CACNA2D4: variants seen among roughly 807,000 people sequenced by gnomAD.
CACNA2D4 encodes the protein calcium voltage-gated channel auxiliary subunit alpha2delta 4, also known as voltage-dependent calcium channel subunit alpha-2/delta-4.
Under a neutral mutation model 163.8 loss-of-function variants are expected in CACNA2D4, and 157 were observed. The ratio of observed to expected loss-of-function variants is 0.96; its 90% CI spans 0.84 to 1.09. CACNA2D4 has a LOEUF of 1.09. Among genes scored for constraint, CACNA2D4 ranks in the 50% least tolerant of loss-of-function variants. The probability of loss-of-function intolerance (pLI) is 0.00; values close to 1 mark genes in which losing one functional copy is unlikely to be tolerated. For synonymous variants in CACNA2D4, 598 were observed against 586.9 expected, an observed-to-expected ratio of 1.02 and a Z score of -0.27; for missense variants, 1,410 against 1,479.9, an observed-to-expected ratio of 0.95 and a Z score of 0.78.
chr12:1,889,728 A>G (rs1321674473), intron 6 of CACNA2D4, among the ~76,000 whole-genome samples: 2 of 152,170 alleles, frequency 1.3e-5, no homozygotes, highest in South Asian at 2.1e-4. Context: ...GCTAGAGAGA[A>G]AAAAAGTTAT....
chr12:1,860,828 A>G (rs571780776), intron 18 of CACNA2D4, among the ~76,000 whole-genome samples: 1 of 152,352 alleles, frequency 6.6e-6, no homozygotes, highest in East Asian at 1.9e-4. Context: ...TTTACTTTGT[A>G]TAAACTAGGG....
chr12:1,855,031 AC>A (rs1032331065), intron 22 of CACNA2D4, among the ~76,000 whole-genome samples: 3 of 152,092 alleles, frequency 2.0e-5, no homozygotes, highest in Non-Finnish European at 4.4e-5. Flanking sequence ...CAATAGAGCC[AC>A]CCAAGTGGCT....
chr12:1,907,804 G>C, intron 5 of CACNA2D4, 71 bp downstream of exon 5: 2 of 1,537,452 alleles, frequency 1.3e-6, no homozygotes, highest in Non-Finnish European at 1.8e-6. Context: ...GGTGTGCCTG[G>C]TGGGCGTGTC....
chr12:1,800,137 C>A, intron 32 of CACNA2D4, 85 bp from the exon 33 acceptor site: 1 of 1,330,912 alleles, frequency 7.5e-7, no homozygotes, highest in Non-Finnish European at 1.1e-6. Context: ...CTGACAGCCC[C>A]CGGCCCATCC....
intron 13 of CACNA2D4, among the ~76,000 whole-genome samples, chr12:1,881,569 CG>C (rs911220690): frequency 1.3e-5 from 2 of 152,204 alleles, no homozygotes; most frequent in African/African-American, 4.8e-5. Context: ...GATGAATGCA[CG>C]GGTGATGGAG....
At chr12:1,794,560 C>T (rs554995752) in intron 37 of CACNA2D4, among the ~76,000 whole-genome samples, 9 of 152,314 alleles carry the variant, frequency 5.9e-5, no homozygotes, top group Admixed American at 4.6e-4. Context: ...CTAGGGTTCC[C>T]ATGAGCCTGT....
At chr12:1,804,958 C>T (rs1002350587) in intron 29 of CACNA2D4, among the ~76,000 whole-genome samples, 1 of 152,224 alleles carries the variant, frequency 6.6e-6, no homozygotes, top group African/African-American at 2.4e-5. Context: ...GGCAAATCCC[C>T]GACTCAAATA....
chr12:1,801,723 A>G, intron 29 of CACNA2D4, 79 bp from the exon 30 acceptor site: 3 of 1,006,372 alleles, frequency 3.0e-6, no homozygotes, highest in Non-Finnish European at 4.4e-6. Flanking sequence ...AGCACTATTT[A>G]TTCAGCTCAG....
chr12:1,803,039 A>T (rs970637797), intron 29 of CACNA2D4, among the ~76,000 whole-genome samples: 14 of 152,228 alleles, frequency 9.2e-5, no homozygotes, highest in African/African-American at 1.4e-4. Flanking sequence ...CAGGTTCTTC[A>T]TGGAGAGCTT....
chr12:1,858,712 C>T (rs1433791908), intron 19 of CACNA2D4, 68 bp from the exon 20 acceptor site: 1 of 1,317,790 alleles, frequency 7.6e-7, no homozygotes, highest in Non-Finnish European at 1.1e-6. Flanking sequence ...CGGGCCTCGT[C>T]CTTGCCCTTA....
At chr12:1,839,569 G>A (rs1864965558) in intron 26 of CACNA2D4, among the ~76,000 whole-genome samples, 1 of 152,218 alleles carries the variant, frequency 6.6e-6, no homozygotes, top group Admixed American at 6.5e-5. Flanking sequence ...GTGGGGCTTT[G>A]GGCAAGTAAG....
chr12:1,795,704 A>T lies in CACNA2D4; in HGVS notation c.3190T>A (p.Phe1064Ile), dbSNP rs992496482. Residue 1064 changes from phenylalanine (F) to isoleucine (I), a missense_variant, in exon 36 of 38, where the codon TTC becomes ATC. Transcript: ENST00000382722. ...VTDPTCDCSI[F>I]PPVLQEATEV... ...GTCGCCTCCTGCAGCACTGGTGGGA[A>T]GATGCTGCAGTCACAGGTGGGGTCT... 1 of 1,613,158 alleles carries T rather than the reference A, an allele frequency of 6.2e-7. No homozygotes were observed. Among genetic ancestry groups the T allele is most frequent in the Admixed American group, 1.7e-5 (1 of 60,026 alleles).
Position 1,800,369 on chromosome 12 carries a change from T to TGTCTACCCCCAC in CACNA2D4, c.2921+5_2921+16dup. 1.2e-6 allele frequency: 2 copies of TGTCTACCCCCAC among 1,613,558 alleles called. No individual in the cohort carries two copies. The highest frequency in any genetic ancestry group is 1.7e-6 in the Non-Finnish European group (2 of 1,179,564). ...CGCATGCAGCCCTCCACCAGCCCCG[T>TGTCTACCCCCAC]GTCTACCCCCACTCACAGCACCAGC... On this transcript the variant is annotated intron_variant, in intron 32 of 37. Coordinates refer to ENST00000382722, the MANE Select transcript of CACNA2D4 (RefSeq NM_172364.5).
At chr12:1,817,933 G>A (rs544637346) in intron 26 of CACNA2D4, among the ~76,000 whole-genome samples, 2 of 151,940 alleles carry the variant, frequency 1.3e-5, no homozygotes, top group South Asian at 2.1e-4. Flanking sequence ...GAGCGTCTCC[G>A]CCTGGCCGCC....
chr12:1,799,311 G>C lies in CACNA2D4; in HGVS notation c.2995+364C>G, dbSNP rs1258291359. ...AGCTTCCTGGGGCCCCTGGAACCCG[G>C]AGTCCCGCTGAGGGCTGGGGTGCCG... On this transcript the variant is annotated intron_variant, in intron 34 of 37. Coordinates refer to ENST00000382722, the MANE Select transcript of CACNA2D4 (RefSeq NM_172364.5). This position sits in a 1 kb window ranked among gnomAD's most constrained non-coding sequence, Gnocchi z 4.7. 6.6e-6 allele frequency among the ~76,000 whole-genome samples: 1 copy of C among 152,186 alleles called. No homozygotes were observed. The highest frequency in any genetic ancestry group is 1.9e-4 in the East Asian group (1 of 5,182).
chr12:1,911,527 A>G (rs967531906), intron 3 of CACNA2D4, among the ~76,000 whole-genome samples: 1 of 152,078 alleles, frequency 6.6e-6, no homozygotes, highest in East Asian at 1.9e-4. Context: ...TACAGATCCT[A>G]GGATAAGGAA....
At chr12:1,859,465 G>C (rs1865475208) in intron 19 of CACNA2D4, among the ~76,000 whole-genome samples, 1 of 152,216 alleles carries the variant, frequency 6.6e-6, no homozygotes, top group South Asian at 2.1e-4. Flanking sequence ...GGAGAAATCA[G>C]ATAATTCAGA....
intron 20 of CACNA2D4, 56 bp downstream of exon 20, chr12:1,858,521 C>A: frequency 1.3e-6 from 2 of 1,523,562 alleles, no homozygotes; most frequent in South Asian, 1.2e-5. Flanking sequence ...CCCAGTGTCC[C>A]ATGAGAGCCC....
At chr12:1,861,517 A>C (rs948401962) in intron 18 of CACNA2D4, among the ~76,000 whole-genome samples, 2 of 150,600 alleles carry the variant, frequency 1.3e-5, no homozygotes, top group African/African-American at 4.9e-5. Flanking sequence ...ATCTTGACTC[A>C]TTGCAACCTC....
Sources: allele counts gnomAD v4.1 joint callset (sites outside exome capture counted in the v4.1 genomes callset), GRCh38; gene constraint gnomAD v4.1.1; non-coding constraint Gnocchi (gnomAD v3.1); transcripts MANE v1.5; gene names NCBI Gene and HGNC (gene_info 2026-07-23, HGNC 2026-07-21).